PNO1: variants seen among roughly 807,000 people sequenced by gnomAD.
PNO1 encodes the protein partner of NOB1 homolog.
PNO1 carries 16 observed loss-of-function variants against 28.4 expected under a neutral mutation model. The observed-to-expected ratio is 0.56, with a 90% confidence interval of 0.38 to 0.85. The LOEUF (loss-of-function observed/expected upper bound fraction) is 0.85, where lower values mean the gene tolerates loss of function less well. Among genes scored for constraint, PNO1 ranks in the 40% least tolerant of loss-of-function variants. The probability of loss-of-function intolerance (pLI) is 0.00; values close to 1 mark genes in which losing one functional copy is unlikely to be tolerated. For synonymous variants in PNO1, 115 were observed against 110.8 expected (o/e 1.04, Z -0.24); for missense variants, 304 against 312.2 (o/e 0.97, Z 0.20).
chr2:68,173,568 G>A lies in PNO1; in HGVS notation c.691+151G>A, dbSNP rs537926009. 4 of 452,354 alleles carry A rather than the reference G, an allele frequency of 8.8e-6. No homozygotes were observed. The African/African-American group carries it at 8.9e-5, about 10-fold the overall frequency. 28.0% of individuals were successfully genotyped at this position (452,354 alleles called of 1,614,324 possible). On this transcript the variant is annotated intron_variant, in intron 6 of 6. Coordinates refer to ENST00000263657, the MANE Select transcript of PNO1 (RefSeq NM_020143.4). ...GTTGGCAAAGGTGGGCCTAGAGAAG[G>A]AAGTAGAATTTTTTTTTTTTTTTTT... is the stretch of plus-strand genomic sequence containing the variant.
chr2:68,173,622 G>A (rs908635308), intron 6 of PNO1, among the ~76,000 whole-genome samples: 1 of 134,610 alleles, frequency 7.4e-6, no homozygotes, highest in Non-Finnish European at 1.5e-5. Context: ...TCGCTGTGTC[G>A]CCTAGGTTGG....
In PNO1 at chr2:68,158,073, A is replaced by C. The variant is rs202238587; in HGVS notation, c.139A>C (p.Met47Leu). The C allele has an allele frequency of 6.2e-7, 1 of 1,613,720 alleles. No homozygotes were observed. The highest frequency in any genetic ancestry group is 1.7e-5 in the Admixed American group (1 of 59,962). Residue 47 changes from methionine to leucine, a missense_variant, in exon 1 of 7, where the codon ATG (methionine) becomes CTG (leucine). Coordinates refer to ENST00000263657, the MANE Select transcript of PNO1 (RefSeq NM_020143.4). Reference protein sequence around the residue: ...AAGEGGDAGRMDTEEARPAKR... With the variant: ...AAGEGGDAGRLDTEEARPAKR... ...AGGAGAGGGCGGGGATGCGGGCCGCATGGACACAGAGGAGGCCAGGCCGGC... is the reference window on the plus strand; with the variant it reads ...AGGAGAGGGCGGGGATGCGGGCCGCCTGGACACAGAGGAGGCCAGGCCGGC...
chr2:68,161,662 C>T, intron 2 of PNO1, 21 bp from the exon 3 acceptor site: 2 of 1,431,522 alleles, frequency 1.4e-6, no homozygotes, highest in African/African-American at 1.4e-5. Context: ...GTATTTTGTA[C>T]CCTTTTTTGT....
At chr2:68,162,130 C>T (rs1673846739) in intron 3 of PNO1, 135 bp from the exon 4 acceptor site, 3 of 633,088 alleles carry the variant, frequency 4.7e-6, no homozygotes, top group Middle Eastern at 2.9e-4. Flanking sequence ...CAGCGTAAGA[C>T]TCTGTCTCCA....
chr2:68,168,827 A>G (rs969357060), intron 5 of PNO1, among the ~76,000 whole-genome samples: 4 of 151,484 alleles, frequency 2.6e-5, no homozygotes, highest in Non-Finnish European at 4.4e-5. Context: ...TTTTTTTACA[A>G]TGGTCCTATG....
At chr2:68,168,306 A>G (rs745545666) in intron 5 of PNO1, among the ~76,000 whole-genome samples, 8 of 152,226 alleles carry the variant, frequency 5.3e-5, no homozygotes, top group Non-Finnish European at 1.0e-4. Flanking sequence ...CCTGTATGTT[A>G]CAAGATGAAA....
intron 5 of PNO1, among the ~76,000 whole-genome samples, chr2:68,164,524 G>A (rs551297502): frequency 1.7e-4 from 26 of 152,104 alleles, no homozygotes; most frequent in Non-Finnish European, 2.8e-4. Flanking sequence ...TAGTCTGGGC[G>A]CAGTGGATCA....
chr2:68,161,523 C>T (rs1311025125), intron 2 of PNO1, among the ~76,000 whole-genome samples, 160 bp from the exon 3 acceptor site: 2 of 152,150 alleles, frequency 1.3e-5, no homozygotes, highest in African/African-American at 2.4e-5. Context: ...TAAAGTACAG[C>T]ACTTATCTGA....
rs1056491361 is a variant in PNO1, at chr2:68,176,053, T to C, written c.*1251T>C. 1.3e-5 allele frequency: 2 copies of C among 152,208 alleles called. No individual in the cohort carries two copies. Among genetic ancestry groups the C allele is most frequent in the African/African-American group, 4.8e-5 (2 of 41,442 alleles). 9.4% of individuals were successfully genotyped at this position (152,208 alleles called of 1,614,324 possible). A position where few individuals can be genotyped will look rare whatever the true frequency, so the allele number is the denominator to read the frequency against. On this transcript the variant is annotated 3_prime_UTR_variant, in exon 7 of 7. Coordinates refer to ENST00000263657, the MANE Select transcript of PNO1 (RefSeq NM_020143.4). ...GAATAATTCTAAAGTTGAAAAATAA[T>C]AGTAAGAACCATCATAAGTCTGTTT...
In PNO1 at chr2:68,175,744, A is replaced by C. The variant is rs888681644; in HGVS notation, c.*942A>C. On this transcript the variant is annotated 3_prime_UTR_variant, in exon 7 of 7. Transcript: ENST00000263657. ...TATTTTTCAAATGAGTATTTAATGA[A>C]AGTATACATAACCAATGTTGGGTAT... 2 of 152,250 alleles carry C rather than the reference A, an allele frequency of 1.3e-5. No individual in the cohort carries two copies. Among genetic ancestry groups the C allele is most frequent in the African/African-American group, 4.8e-5 (2 of 41,460 alleles). 9.4% of individuals were successfully genotyped at this position (152,250 alleles called of 1,614,324 possible). A position where few individuals can be genotyped will look rare whatever the true frequency, so the allele number is the denominator to read the frequency against.
At chr2:68,164,567 G>T (rs1199336017) in intron 5 of PNO1, among the ~76,000 whole-genome samples, 1 of 151,996 alleles carries the variant, frequency 6.6e-6, no homozygotes, top group Non-Finnish European at 1.5e-5. Context: ...GGAGGCCAAG[G>T]TGGGAGGAAG....
At chr2:68,168,705 GC>G (rs1674053426) in intron 5 of PNO1, among the ~76,000 whole-genome samples, 1 of 152,070 alleles carries the variant, frequency 6.6e-6, no homozygotes, top group African/African-American at 2.4e-5. Context: ...TTGCCTGGGC[GC>G]CTAGGGGCTT....
At chr2:68,168,761 G>A (rs72832003) in intron 5 of PNO1, among the ~76,000 whole-genome samples, 2 of 152,104 alleles carry the variant, frequency 1.3e-5, no homozygotes, top group African/African-American at 2.4e-5. Flanking sequence ...AAAACTGCAG[G>A]TGTATTCATA....
chr2:68,161,636 T>C, intron 2 of PNO1, 47 bp from the exon 3 acceptor site: 2 of 1,149,668 alleles, frequency 1.7e-6, no homozygotes, highest in Non-Finnish European at 2.6e-6. Flanking sequence ...GGACATTTTC[T>C]GTTTGATTCT....
At chr2:68,166,601 CA>C (rs1674002670) in intron 5 of PNO1, among the ~76,000 whole-genome samples, 1 of 152,150 alleles carries the variant, frequency 6.6e-6, no homozygotes, top group Admixed American at 6.5e-5. Context: ...TACAGAAATA[CA>C]TTGTAATTTC....
At chr2:68,166,386 G>C (rs1673996902) in intron 5 of PNO1, among the ~76,000 whole-genome samples, 2 of 67,228 alleles carry the variant, frequency 3.0e-5, no homozygotes, top group Admixed American at 1.4e-4. Context: ...CATAAAGTAA[G>C]CTAGAGAAAA....
intron 5 of PNO1, among the ~76,000 whole-genome samples, chr2:68,169,130 C>T (rs1674065257): frequency 6.6e-6 from 1 of 151,828 alleles, no homozygotes. Context: ...GGGGTTTCAC[C>T]GTGTTAGGCA....
intron 2 of PNO1, among the ~76,000 whole-genome samples, chr2:68,159,964 A>ATTTTT (rs1206527655): frequency 5.1e-5 from 6 of 116,934 alleles, no homozygotes; most frequent in Admixed American, 1.8e-4. Flanking sequence ...ACAAAAAAAA[A>ATTTTT]TTTTTTTTTT....
chr2:68,165,232 C>T (rs989962856), intron 5 of PNO1, among the ~76,000 whole-genome samples: 2 of 150,744 alleles, frequency 1.3e-5, no homozygotes, highest in Non-Finnish European at 3.0e-5. Context: ...GGCGTAGTGG[C>T]GGGCGCCTGT....
Sources: gnomAD v4.1 joint callset for allele counts (sites outside exome capture counted in the v4.1 genomes callset) on GRCh38, gnomAD v4.1.1 for gene constraint, MANE v1.5 for transcripts, NCBI Gene and HGNC (gene_info 2026-07-23, HGNC 2026-07-21) for gene names.